TEK: variants seen among roughly 807,000 people sequenced by gnomAD.
TEK encodes angiopoietin-1 receptor.
TEK carries 43 observed loss-of-function variants against 131.8 expected under a neutral mutation model. The ratio of observed to expected loss-of-function variants is 0.33; its 90% confidence interval spans 0.26 to 0.42. The LOEUF (loss-of-function observed/expected upper bound fraction) is 0.42. Ranked by LOEUF, TEK falls within the 10% of genes least tolerant of loss-of-function variation. The pLI is 1.00. For missense variants in TEK, 1,162 were observed against 1,384.4 expected, an observed-to-expected ratio of 0.84 and a Z score of 2.55; for synonymous variants, 580 against 491.6, an observed-to-expected ratio of 1.18 and a Z score of -2.38.
intron 1 of TEK, among the ~76,000 whole-genome samples, chr9:27,137,618 AT>A (rs1822521418): frequency 6.6e-6 from 1 of 152,106 alleles, no homozygotes; most frequent in South Asian, 2.1e-4. Context: ...CATTTTATAT[AT>A]ATTTTTAAAC....
At chr9:27,182,353 G>A (rs1033779658) in intron 7 of TEK, among the ~76,000 whole-genome samples, 1 of 152,146 alleles carries the variant, frequency 6.6e-6, no homozygotes, top group African/African-American at 2.4e-5. Context: ...TGCTTTAAAA[G>A]TGTCAAAACA....
chr9:27,156,718 A>T (rs951593655), intron 1 of TEK, among the ~76,000 whole-genome samples: 11 of 152,160 alleles, frequency 7.2e-5, no homozygotes, highest in Admixed American at 2.0e-4. Flanking sequence ...TGCATACCTC[A>T]CAGAGTTGCT....
chr9:27,223,212 A>G (rs910124541), intron 21 of TEK, among the ~76,000 whole-genome samples: 5 of 152,166 alleles, frequency 3.3e-5, no homozygotes, highest in Non-Finnish European at 7.3e-5. Context: ...TATTAGACGG[A>G]TCAACGAGAC....
intron 9 of TEK, 63 bp from the exon 10 acceptor site, chr9:27,190,466 C>T: frequency 6.2e-7 from 1 of 1,601,408 alleles, no homozygotes; most frequent in Non-Finnish European, 8.6e-7. Context: ...TCTACCTCTA[C>T]CTAAGAACAA....
At chr9:27,142,779 C>CT (rs1822775779) in intron 1 of TEK, among the ~76,000 whole-genome samples, 1 of 152,190 alleles carries the variant, frequency 6.6e-6, no homozygotes, top group Admixed American at 6.5e-5. Flanking sequence ...TTGAGATCTC[C>CT]TTTAGTCATC....
At chr9:27,215,803 G>A (rs547448597) in intron 18 of TEK, among the ~76,000 whole-genome samples, 2 of 152,056 alleles carry the variant, frequency 1.3e-5, no homozygotes, top group African/African-American at 2.4e-5. Context: ...GCTGATAAAT[G>A]CAAAGAGCAA....
Position 27,109,519 on chromosome 9 carries a change from G to A in TEK, c.-72G>A. The A allele has an allele frequency of 6.6e-7, 1 of 1,522,730 alleles. No individual in the cohort carries two copies. Among genetic ancestry groups the A allele is most frequent in the Non-Finnish European group, 9.1e-7 (1 of 1,096,708 alleles). The allele number at this position is 1,522,730 out of a possible 1,614,324, so 94.3% of individuals were successfully genotyped here. A position where few individuals can be genotyped will look rare whatever the true frequency, so the allele number is the denominator to read the frequency against. The stretch of plus-strand genomic sequence containing the variant: ...CGATGCTAATGGAAAGTCACAAACC[G>A]CTGGGTTTTTGAAAGGATCCTTGGG... On this transcript the variant is annotated 5_prime_UTR_variant, in exon 1 of 23. Transcript: ENST00000380036.
rs35818764 is a variant in TEK, at chr9:27,202,962, C to G, written c.2052C>G (p.His684Gln). The G allele has an allele frequency of 1.9e-6, 3 of 1,614,066 alleles. No individual in the cohort carries two copies. The highest frequency in any genetic ancestry group is 2.5e-6 in the Non-Finnish European group (3 of 1,179,992). ...YKVQGKNEDQ[H>Q]VDVKIKNATI... ...TTCAAGGCAAGAATGAAGACCAGCA[C>G]GTTGATGTGAAGATAAAGAATGCCA... is the stretch of plus-strand genomic sequence containing the variant. Residue 684 changes from histidine (H) to glutamine (Q), a missense_variant, in exon 13 of 23, where the codon CAC becomes CAG. By Grantham distance (24) the His-to-Gln change is conservative. Coordinates refer to ENST00000380036, the MANE Select transcript of TEK (RefSeq NM_000459.5).
intron 3 of TEK, 41 bp downstream of exon 3, chr9:27,168,646 A>AGAT: frequency 7.4e-7 from 1 of 1,354,522 alleles, no homozygotes; most frequent in Non-Finnish European, 1.1e-6. Flanking sequence ...ATGATGTGAG[A>AGAT]TATCAGATAA....
At chr9:27,112,945 A>G (rs1821402124) in intron 1 of TEK, among the ~76,000 whole-genome samples, 1 of 152,238 alleles carries the variant, frequency 6.6e-6, no homozygotes, top group Admixed American at 6.5e-5. Flanking sequence ...AAGACAACAT[A>G]GGCTCTGCTT....
At chr9:27,196,365 A>G (rs1825010112) in intron 11 of TEK, among the ~76,000 whole-genome samples, 1 of 152,150 alleles carries the variant, frequency 6.6e-6, no homozygotes, top group South Asian at 2.1e-4. Context: ...AAATAATGTA[A>G]TGAATCATTT....
At chr9:27,117,087 G>A (rs1172274921) in intron 1 of TEK, among the ~76,000 whole-genome samples, 1 of 151,678 alleles carries the variant, frequency 6.6e-6, no homozygotes, top group Middle Eastern at 3.2e-3. Flanking sequence ...GGATGGTCTC[G>A]ATCTCCTGAC....
chr9:27,115,403 G>C (rs1458707068), intron 1 of TEK, among the ~76,000 whole-genome samples: 1 of 152,140 alleles, frequency 6.6e-6, no homozygotes, highest in Non-Finnish European at 1.5e-5. Context: ...GGTGGCTGAA[G>C]TGGGAGGATT....
chr9:27,174,777 G>A (rs1415917354), intron 6 of TEK, among the ~76,000 whole-genome samples: 1 of 152,130 alleles, frequency 6.6e-6, no homozygotes, highest in East Asian at 1.9e-4. Context: ...GGCCTCTGAA[G>A]TGTGTATGTT....
chr9:27,162,564 A>G (rs981650472), intron 2 of TEK, among the ~76,000 whole-genome samples: 1 of 152,236 alleles, frequency 6.6e-6, no homozygotes, highest in African/African-American at 2.4e-5. Context: ...ATAGCTTTAT[A>G]TTAAGAATAT....
At chr9:27,187,082 G>A (rs368302533) in intron 9 of TEK, among the ~76,000 whole-genome samples, 1 of 152,172 alleles carries the variant, frequency 6.6e-6, no homozygotes, top group Admixed American at 6.6e-5. Context: ...TTAAGCTTCT[G>A]GGAATGTTTG....
chr9:27,166,374 C>A (rs1823731032), intron 2 of TEK, among the ~76,000 whole-genome samples: 1 of 152,136 alleles, frequency 6.6e-6, no homozygotes, highest in Non-Finnish European at 1.5e-5. Flanking sequence ...AATTTTCAGT[C>A]TTTTTGATTA....
chr9:27,202,992 C>G lies in TEK; in HGVS notation c.2082C>G (p.Ile694Met), dbSNP rs774209662. ...HVDVKIKNAT[I>M]TQYQLKGLEP... ...ATGTGAAGATAAAGAATGCCACCATCACTCAGTATCAGCTCAAGGGCCTAG... is the reference window on the plus strand; with the variant it reads ...ATGTGAAGATAAAGAATGCCACCATGACTCAGTATCAGCTCAAGGGCCTAG... The change falls in exon 13 of 23, where the codon ATC (isoleucine) becomes ATG (methionine). Residue 694 changes from isoleucine to methionine, a missense_variant. Ile to Met is a conservative substitution (Grantham distance 10). Around this residue, in one of 6 missense-constraint regions of TEK, gnomAD observed 477 missense variants for 471.0 expected, o/e 1.01. Transcript: ENST00000380036. 6.2e-7 allele frequency: 1 copy of G among 1,614,112 alleles called. No homozygotes were observed. Among genetic ancestry groups the G allele is most frequent in the Non-Finnish European group, 8.5e-7 (1 of 1,179,986 alleles).
At chr9:27,207,086 G>A (rs1825425218) in intron 15 of TEK, among the ~76,000 whole-genome samples, 1 of 152,204 alleles carries the variant, frequency 6.6e-6, no homozygotes, top group South Asian at 2.1e-4. Context: ...TCTTAAAGCA[G>A]TGCTTCTCCA....
Sources: gnomAD v4.1 joint callset for allele counts (sites outside exome capture counted in the v4.1 genomes callset) on GRCh38, gnomAD v4.1.1 for gene constraint, gnomAD v4.1.1 regional missense constraint, MANE v1.5 for transcripts, NCBI Gene and HGNC (gene_info 2026-07-23, HGNC 2026-07-21) for gene names.